Variants in PDE1C observed in about 807,000 individuals in gnomAD.
The protein encoded by PDE1C is phosphodiesterase 1C, also known as dual specificity calcium/calmodulin-dependent 3',5'-cyclic nucleotide phosphodiesterase 1C.
PDE1C carries 62 observed loss-of-function variants against 93.1 expected under a neutral mutation model. That is an observed-to-expected ratio of 0.67 (90% CI 0.54 to 0.82). PDE1C has a LOEUF of 0.82. PDE1C is among the 40% of genes least tolerant of loss of function. The pLI, the probability that PDE1C is intolerant of heterozygous loss-of-function variation, is 0.00. For missense variants in PDE1C, 742 were observed against 884.6 expected (o/e 0.84, Z 2.04); for synonymous variants, 325 against 310.1 (o/e 1.05, Z -0.50).
At chr7:32,041,743 A>G in intron 2 of PDE1C, among the ~76,000 whole-genome samples, 1 of 152,168 alleles carries the variant, frequency 6.6e-6, no homozygotes, top group Middle Eastern at 3.2e-3. Context: ...GGAGGTGAGG[A>G]TTTTTCCCTT....
At chr7:31,711,939 C>G in the PDE1C span, among the ~76,000 whole-genome samples, 2 of 152,170 alleles carry the variant, frequency 1.3e-5, no homozygotes, top group African/African-American at 4.8e-5. Context: ...ACCCTCCTCT[C>G]CCTTCCCTCC....
At chr7:32,347,709 GA>G (rs1783882095) in intron 1 of PDE1C, among the ~76,000 whole-genome samples, 1 of 152,152 alleles carries the variant, frequency 6.6e-6, no homozygotes, top group African/African-American at 2.4e-5. Flanking sequence ...TGATTTCAGA[GA>G]AGTCTTTATT....
intron 1 of PDE1C, among the ~76,000 whole-genome samples, chr7:32,056,454 ATACTGCT>A (rs879372940): frequency 2.6e-5 from 4 of 151,764 alleles, no homozygotes; most frequent in Admixed American, 6.6e-5. Flanking sequence ...GCATTACAGC[ATACTGCT>A]CAAGATCACT....
At chr7:31,775,627 T>C in intron 17 of PDE1C, 37 bp downstream of exon 17, 1 of 1,558,760 alleles carries the variant, frequency 6.4e-7, no homozygotes, top group East Asian at 2.2e-5. Context: ...CCATTGTCTG[T>C]GGTCACTAAG....
chr7:31,748,727 C>G (rs1298340372), downstream of PDE1C, among the ~76,000 whole-genome samples: 1 of 152,174 alleles, frequency 6.6e-6, no homozygotes, highest in Non-Finnish European at 1.5e-5. Flanking sequence ...GCCTTGCTGA[C>G]GGCACTTGAG....
chr7:31,628,743 A>T, the PDE1C span, among the ~76,000 whole-genome samples: 3 of 152,158 alleles, frequency 2.0e-5, no homozygotes, highest in Admixed American at 1.3e-4. Flanking sequence ...GGCTTGAGCC[A>T]CCGCGCCCGG....
At chr7:31,959,369 C>A in intron 2 of PDE1C, among the ~76,000 whole-genome samples, 1 of 152,146 alleles carries the variant, frequency 6.6e-6, no homozygotes, top group Middle Eastern at 3.4e-3. Flanking sequence ...TGCACAACTA[C>A]GCCCAGCTAA....
chr7:32,357,929 T>G (rs1334275717), intron 1 of PDE1C, among the ~76,000 whole-genome samples: 1 of 152,184 alleles, frequency 6.6e-6, no homozygotes, highest in Admixed American at 6.5e-5. Flanking sequence ...AAAGTGTTCA[T>G]GAGTTTGTGT....
the PDE1C span, among the ~76,000 whole-genome samples, chr7:31,622,559 C>G: frequency 6.0e-5 from 9 of 151,180 alleles, no homozygotes; most frequent in African/African-American, 2.2e-4. Context: ...TTGAAACCAA[C>G]GAGAATAAAG....
intron 1 of PDE1C, among the ~76,000 whole-genome samples, chr7:32,245,786 C>T (rs901761696): frequency 3.4e-4 from 51 of 152,086 alleles, no homozygotes; most frequent in Non-Finnish European, 6.3e-4. Flanking sequence ...ACAGACAGTG[C>T]CTCCTTGCTG....
the PDE1C span, among the ~76,000 whole-genome samples, chr7:31,624,413 C>A: frequency 1.0e-4 from 14 of 138,030 alleles, no homozygotes; most frequent in African/African-American, 3.8e-4. Flanking sequence ...GGTACTGGTA[C>A]CAAAACAGAG....
the PDE1C span, chr7:31,652,811 T>A: frequency 6.2e-7 from 1 of 1,612,896 alleles, no homozygotes; most frequent in Non-Finnish European, 8.5e-7. Flanking sequence ...GAGAAAAGGA[T>A]GCAGATGTCT....
At chr7:32,087,863 A>C (rs1797202970) in intron 3 of PDE1C, among the ~76,000 whole-genome samples, 1 of 138,110 alleles carries the variant, frequency 7.2e-6, no homozygotes, top group Non-Finnish European at 1.6e-5. Flanking sequence ...GGGTGGTGGG[A>C]GGGGGGAGGG....
chr7:32,222,465 G>C (rs569953093), intron 1 of PDE1C, among the ~76,000 whole-genome samples: 1 of 152,300 alleles, frequency 6.6e-6, no homozygotes. Flanking sequence ...TCCTGGAATG[G>C]AGATGGACCA....
intron 2 of PDE1C, among the ~76,000 whole-genome samples, chr7:31,919,085 T>C (rs1310242531): frequency 6.6e-6 from 1 of 152,234 alleles, no homozygotes; most frequent in Non-Finnish European, 1.5e-5. Flanking sequence ...AATGTAAGTA[T>C]CTTGCCAATT....
chr7:31,835,007 A>G (rs551532218), intron 11 of PDE1C, among the ~76,000 whole-genome samples: 15 of 152,166 alleles, frequency 9.9e-5, no homozygotes, highest in Non-Finnish European at 1.9e-4. Flanking sequence ...GTGGTAGCAA[A>G]TAAGTCTCAT....
intron 1 of PDE1C, among the ~76,000 whole-genome samples, chr7:32,323,356 G>A (rs933991501): frequency 9.2e-5 from 14 of 152,148 alleles, no homozygotes; most frequent in African/African-American, 3.4e-4. Context: ...GAGTTGAGAA[G>A]AGATTGTATG....
chr7:31,749,610 G>T (rs1213399760), downstream of PDE1C, among the ~76,000 whole-genome samples: 1 of 152,152 alleles, frequency 6.6e-6, no homozygotes, highest in Admixed American at 6.5e-5. Flanking sequence ...AATGCAACAG[G>T]GGAGGAGAAA....
At chr7:31,693,134 C>T in the PDE1C span, among the ~76,000 whole-genome samples, 1 of 152,010 alleles carries the variant, frequency 6.6e-6, no homozygotes, top group Non-Finnish European at 1.5e-5. Context: ...GGTTATGACT[C>T]CCCCCTCCTC....
Sources: allele counts gnomAD v4.1 joint callset (sites outside exome capture counted in the v4.1 genomes callset), GRCh38; gene constraint gnomAD v4.1.1; transcripts MANE v1.5; gene names NCBI Gene and HGNC (gene_info 2026-07-23, HGNC 2026-07-21).